The following LDLRAD1 variants were observed in gnomAD, a reference collection of about 807,000 sequenced individuals.
LDLRAD1 encodes the protein low-density lipoprotein receptor class A domain-containing protein 1.
LDLRAD1 carries 17 observed loss-of-function variants against 24.8 expected under a neutral mutation model. The ratio of observed to expected loss-of-function variants is 0.69; its 90% CI spans 0.47 to 1.03. The LOEUF is 1.03. LDLRAD1 is among the 50% of genes least tolerant of loss of function. The probability of loss-of-function intolerance (pLI) is 0.00; values close to 1 mark genes in which losing one functional copy is unlikely to be tolerated. For missense variants in LDLRAD1, 277 were observed against 271.0 expected, an observed-to-expected ratio of 1.02 and a Z score of -0.16; for synonymous variants, 103 against 108.2, an observed-to-expected ratio of 0.95 and a Z score of 0.30.
At position 54,014,448 on chromosome 1, in the gene LDLRAD1, G is replaced by A. The variant is rs531310396; in HGVS notation, c.74-84C>T. 984 of 1,291,052 alleles carry A rather than the reference G, an allele frequency of 7.6e-4. 1 individual carries two copies. Among genetic ancestry groups the A allele is most frequent in the Non-Finnish European group, 9.6e-4 (892 of 928,522 alleles). 80.0% of individuals were successfully genotyped at this position (1,291,052 alleles called of 1,614,324 possible). ...AGGGAGCTCCCTCTCCGCCCTGCCC[G>A]CTGCAAGCAGCCTCTCCCCCACGAG... On this transcript the variant is annotated intron_variant, in intron 2 of 5. Coordinates refer to ENST00000371360, the MANE Select transcript of LDLRAD1 (RefSeq NM_001010978.4).
rs996674045 is a variant in LDLRAD1, at chr1:54,017,456, G to T, written c.22-29C>A. On this transcript the variant is annotated intron_variant, in intron 1 of 5. Transcript: ENST00000371360. The stretch of plus-strand genomic sequence containing the variant: ...CCCAAGAGAACAGAGTGAGGGGTGG[G>T]CTTAGGTGAGGTGAGCTCCAGCCTC... 6 of 1,580,342 alleles carry T rather than the reference G, an allele frequency of 3.8e-6. No homozygotes were observed. The South Asian group carries it at 5.8e-5, about 15-fold the overall frequency.
chr1:54,014,560 C>G (rs1656217715), intron 2 of LDLRAD1, among the ~76,000 whole-genome samples, 196 bp from the exon 3 acceptor site: 1 of 152,156 alleles, frequency 6.6e-6, no homozygotes, highest in Non-Finnish European at 1.5e-5. Flanking sequence ...GCCCACCCCA[C>G]TAGGTGCCAC....
rs548105124 is a variant in LDLRAD1 at position 54,013,530 on chromosome 1, C to T, written c.202+706G>A. Among the ~76,000 whole-genome samples the T allele has an allele frequency of 2.0e-5, 3 of 151,572 alleles. No homozygotes were observed. The South Asian group carries it at 6.3e-4, about 32-fold the overall frequency. On this transcript the variant is annotated intron_variant, in intron 3 of 5. Coordinates refer to ENST00000371360, the MANE Select transcript of LDLRAD1 (RefSeq NM_001010978.4). Reference sequence around the variant, plus strand: ...GCCTGTGAGGCCCTTGGCACTGGGCCCCACTTGTCACTCCAGCCCTTCCTG... The same window carrying T: ...GCCTGTGAGGCCCTTGGCACTGGGCTCCACTTGTCACTCCAGCCCTTCCTG...
At chr1:54,017,540 C>A in intron 1 of LDLRAD1, 113 bp from the exon 2 acceptor site, 1 of 843,650 alleles carries the variant, frequency 1.2e-6, no homozygotes, top group Non-Finnish European at 2.0e-6. Flanking sequence ...GGTAGAACCA[C>A]GGGTCCGTCA....
intron 4 of LDLRAD1, among the ~76,000 whole-genome samples, chr1:54,011,851 C>A (rs952613997): frequency 6.6e-6 from 1 of 152,206 alleles, no homozygotes; most frequent in Non-Finnish European, 1.5e-5. Flanking sequence ...ACACTTTAAC[C>A]TAGTGTGGGA....
At chr1:54,017,257 A>G (rs1432394420) in intron 2 of LDLRAD1, 119 bp downstream of exon 2, 3 of 767,468 alleles carry the variant, frequency 3.9e-6, no homozygotes, top group African/African-American at 1.7e-5. Context: ...CAACGTTAAC[A>G]TGGAGGCAGA....
intron 1 of LDLRAD1, 114 bp from the exon 2 acceptor site, chr1:54,017,541 G>A (rs961378454): frequency 1.4e-5 from 12 of 835,804 alleles, no homozygotes; most frequent in Non-Finnish European, 2.0e-5. Context: ...GTAGAACCAC[G>A]GGTCCGTCAC....
At chr1:54,012,048 G>C in intron 4 of LDLRAD1, 95 bp downstream of exon 4, 1 of 1,451,744 alleles carries the variant, frequency 6.9e-7, no homozygotes, top group Admixed American at 1.8e-5. Flanking sequence ...CAAAGCCATG[G>C]GGACTTGAAG....
At chr1:54,015,627 C>A (rs1373483946) in intron 2 of LDLRAD1, among the ~76,000 whole-genome samples, 2 of 150,300 alleles carry the variant, frequency 1.3e-5, no homozygotes, top group Non-Finnish European at 3.0e-5. Flanking sequence ...CAGAGCCAGG[C>A]ACGTGGTGGG....
intron 5 of LDLRAD1, 147 bp downstream of exon 5, chr1:54,010,135 A>G: frequency 1.2e-6 from 1 of 826,198 alleles, no homozygotes; most frequent in Non-Finnish European, 1.9e-6. Flanking sequence ...ACCCCATCAC[A>G]GGATGTATTC....
chr1:54,011,186 T>C (rs1656034454), intron 4 of LDLRAD1, among the ~76,000 whole-genome samples: 1 of 152,074 alleles, frequency 6.6e-6, no homozygotes, highest in Admixed American at 6.6e-5. Flanking sequence ...AAGAGAAACC[T>C]CATGGAGGGC....
At chr1:54,009,570 T>C (rs146066499) in intron 5 of LDLRAD1, among the ~76,000 whole-genome samples, 1,653 of 152,268 alleles carry the variant, frequency 0.011, 33 homozygotes, top group African/African-American at 0.038. Context: ...CTATTCTTGG[T>C]CTTCTTGAAT....
At position 54,010,353 on chromosome 1, in the gene LDLRAD1, G is replaced by A; in HGVS notation, c.398C>T (p.Ser133Phe). The change falls in exon 5 of 6, where the codon TCC (serine) becomes TTC (phenylalanine). Residue 133 changes from serine to phenylalanine, a missense_variant. Ser to Phe is a radical substitution (Grantham distance 155). Coordinates refer to ENST00000371360, the MANE Select transcript of LDLRAD1 (RefSeq NM_001010978.4). ...ACATTTTTGGTCTGAGTAGATCCAGGAGGCCGGGTCTCCACAGTGGGCCAC... is the reference window on the plus strand; with the variant it reads ...ACATTTTTGGTCTGAGTAGATCCAGAAGGCCGGGTCTCCACAGTGGGCCAC... ...FLVAHCGDPA[S>F]WIYSDQKCDG... The A allele has an allele frequency of 6.2e-7, 1 of 1,614,040 alleles. No homozygotes were observed. Among genetic ancestry groups the A allele is most frequent in the Non-Finnish European group, 8.5e-7 (1 of 1,179,980 alleles).
chr1:54,012,437 G>A (rs1013836598), intron 3 of LDLRAD1, among the ~76,000 whole-genome samples, 157 bp from the exon 4 acceptor site: 5 of 152,176 alleles, frequency 3.3e-5, no homozygotes, highest in African/African-American at 7.2e-5. Context: ...AGCTGTACCC[G>A]CTGCCGGCTG....
At chr1:54,013,427 C>T (rs901206006) in intron 3 of LDLRAD1, among the ~76,000 whole-genome samples, 2 of 147,564 alleles carry the variant, frequency 1.4e-5, no homozygotes, top group African/African-American at 5.1e-5. Context: ...CCTTCAGAAA[C>T]ATCAGCCTGC....
chr1:54,013,190 GAT>G (rs1423911319), intron 3 of LDLRAD1, among the ~76,000 whole-genome samples: 1 of 151,962 alleles, frequency 6.6e-6, no homozygotes, highest in Non-Finnish European at 1.5e-5. Context: ...ACAGACAACA[GAT>G]GTGCACACAC....
chr1:54,010,008 G>A (rs1267324608), intron 5 of LDLRAD1, among the ~76,000 whole-genome samples: 1 of 152,170 alleles, frequency 6.6e-6, no homozygotes, highest in Non-Finnish European at 1.5e-5. Context: ...GGCCATGTAT[G>A]TACTCCTTGC....
At chr1:54,012,108 A>C (rs1254353381) in intron 4 of LDLRAD1, 35 bp downstream of exon 4, 1 of 1,609,288 alleles carries the variant, frequency 6.2e-7, no homozygotes, top group Non-Finnish European at 8.5e-7. Flanking sequence ...GTGTGGGGGA[A>C]CCCCTGGGAG....
intron 2 of LDLRAD1, among the ~76,000 whole-genome samples, chr1:54,014,749 CT>C (rs1656228852): frequency 6.6e-6 from 1 of 152,210 alleles, no homozygotes; most frequent in Non-Finnish European, 1.5e-5. Context: ...TCAAAACAAC[CT>C]TTTATTTTAT....
Sources: allele counts gnomAD v4.1 joint callset (sites outside exome capture counted in the v4.1 genomes callset), GRCh38; gene constraint gnomAD v4.1.1; transcripts MANE v1.5; gene names NCBI Gene and HGNC (gene_info 2026-07-23, HGNC 2026-07-21).